Variants in PRELID2 observed in about 807,000 individuals in gnomAD.
PRELID2 encodes PRELI domain containing 2.
A neutral mutation model predicts 28.4 loss-of-function variants in PRELID2; 25 were observed. The observed-to-expected ratio is 0.88, with a 90% CI of 0.64 to 1.23. The LOEUF (loss-of-function observed/expected upper bound fraction) is 1.23. Ranked by LOEUF, PRELID2 falls within the 50% of genes most tolerant of loss-of-function variation. The pLI is 0.00. For synonymous variants in PRELID2, 76 were observed against 71.6 expected, an observed-to-expected ratio of 1.06 and a Z score of -0.31; for missense variants, 201 against 214.4, an observed-to-expected ratio of 0.94 and a Z score of 0.39.
chr5:145,691,580 T>A (rs1755151070), intron 1 of PRELID2, among the ~76,000 whole-genome samples: 1 of 151,950 alleles, frequency 6.6e-6, no homozygotes. Context: ...ATTCCAGGTG[T>A]GGTGGCACGT....
chr5:145,309,853 A>T, the PRELID2 span, among the ~76,000 whole-genome samples: 1 of 152,178 alleles, frequency 6.6e-6, no homozygotes, highest in Admixed American at 6.5e-5. Context: ...TGCCTCTCCA[A>T]GCAGCCTTAT....
chr5:145,681,173 C>T (rs1387480070), intron 1 of PRELID2, among the ~76,000 whole-genome samples: 9 of 152,136 alleles, frequency 5.9e-5, no homozygotes, highest in Admixed American at 5.2e-4. Flanking sequence ...CTTCCAAAAT[C>T]GTAATGTCCA....
intron 1 of PRELID2, among the ~76,000 whole-genome samples, chr5:145,619,784 C>T (rs1356936842): frequency 1.3e-5 from 2 of 152,260 alleles, no homozygotes; most frequent in South Asian, 2.1e-4. Context: ...AATACCTGTA[C>T]AGGCAACTTG....
At chr5:145,614,907 A>G (rs1450136335) in intron 1 of PRELID2, among the ~76,000 whole-genome samples, 1 of 152,122 alleles carries the variant, frequency 6.6e-6, no homozygotes, top group Non-Finnish European at 1.5e-5. Flanking sequence ...GTCTTGTTCC[A>G]GTTCTCAGAG....
chr5:145,646,864 G>C (rs1754205667), intron 1 of PRELID2, among the ~76,000 whole-genome samples: 1 of 151,186 alleles, frequency 6.6e-6, no homozygotes, highest in Non-Finnish European at 1.5e-5. Flanking sequence ...GTACAGCATA[G>C]ATTGCTGCCT....
At chr5:145,684,639 C>G (rs1055477582) in intron 1 of PRELID2, among the ~76,000 whole-genome samples, 1 of 152,152 alleles carries the variant, frequency 6.6e-6, no homozygotes, top group African/African-American at 2.4e-5. Context: ...TGCCAAAGGT[C>G]AAACTAAGAG....
intron 4 of PRELID2, among the ~76,000 whole-genome samples, chr5:145,810,605 C>A (rs1267811696): frequency 6.6e-6 from 1 of 152,188 alleles, no homozygotes. Flanking sequence ...TAAATCATTA[C>A]AAACACTGTT....
the PRELID2 span, among the ~76,000 whole-genome samples, chr5:145,309,373 G>A: frequency 6.6e-6 from 1 of 152,108 alleles, no homozygotes; most frequent in Non-Finnish European, 1.5e-5. Context: ...TTTGTTTGAG[G>A]GGCTGGATTG....
chr5:145,315,299 A>G, the PRELID2 span, among the ~76,000 whole-genome samples: 2 of 151,544 alleles, frequency 1.3e-5, no homozygotes, highest in Non-Finnish European at 2.9e-5. Context: ...CGATCTCTTG[A>G]CCTCGTGATC....
At chr5:145,395,657 A>C in the PRELID2 span, among the ~76,000 whole-genome samples, 42 of 152,288 alleles carry the variant, frequency 2.8e-4, no homozygotes, top group African/African-American at 8.4e-4. Flanking sequence ...TAATAATCTG[A>C]TGTTATGCAA....
At chr5:145,392,762 T>C in the PRELID2 span, among the ~76,000 whole-genome samples, 1 of 152,008 alleles carries the variant, frequency 6.6e-6, no homozygotes, top group Non-Finnish European at 1.5e-5. Flanking sequence ...GTCTACATGC[T>C]CTCTAGCCAA....
At chr5:145,824,561 A>G (rs979515655) in intron 1 of PRELID2, among the ~76,000 whole-genome samples, 1 of 152,068 alleles carries the variant, frequency 6.6e-6, no homozygotes, top group Non-Finnish European at 1.5e-5. Context: ...AGATTAGAAC[A>G]CAGGCTCTCT....
intron 1 of PRELID2, among the ~76,000 whole-genome samples, chr5:145,747,489 C>T (rs981208633): frequency 3.6e-4 from 55 of 152,086 alleles, no homozygotes; most frequent in African/African-American, 1.3e-3. Flanking sequence ...GAAGTTGAAT[C>T]CCTGAATAGA....
At chr5:145,686,565 AG>A (rs1231106195) in intron 1 of PRELID2, among the ~76,000 whole-genome samples, 1 of 152,192 alleles carries the variant, frequency 6.6e-6, no homozygotes, top group East Asian at 1.9e-4. Context: ...GTGAAAAGGC[AG>A]AGTCCATTTA....
At chr5:145,362,330 G>C in the PRELID2 span, among the ~76,000 whole-genome samples, 1 of 152,030 alleles carries the variant, frequency 6.6e-6, no homozygotes, top group Non-Finnish European at 1.5e-5. Flanking sequence ...GTTTCATCTC[G>C]CATAGTTAGG....
chr5:145,629,405 C>T (rs533013400), intron 1 of PRELID2, among the ~76,000 whole-genome samples: 1 of 152,138 alleles, frequency 6.6e-6, no homozygotes, highest in African/African-American at 2.4e-5. Flanking sequence ...TACTTAATGA[C>T]AGATAAGGAG....
chr5:145,597,837 TA>T (rs1314134987), intron 1 of PRELID2, among the ~76,000 whole-genome samples: 1 of 152,212 alleles, frequency 6.6e-6, no homozygotes, highest in Admixed American at 6.5e-5. Context: ...AATTACTTTT[TA>T]AATATTTGCT....
chr5:145,717,448 T>C (rs1755873808), intron 1 of PRELID2, among the ~76,000 whole-genome samples: 2 of 152,068 alleles, frequency 1.3e-5, no homozygotes, highest in South Asian at 4.1e-4. Flanking sequence ...AAATAATATG[T>C]TTTTAAAATA....
the PRELID2 span, among the ~76,000 whole-genome samples, chr5:145,351,485 A>C: frequency 6.6e-6 from 1 of 152,188 alleles, no homozygotes; most frequent in African/African-American, 2.4e-5. Flanking sequence ...AACCCCCAAG[A>C]TTCAATTACC....
Sources: allele counts gnomAD v4.1 joint callset (sites outside exome capture counted in the v4.1 genomes callset), GRCh38; gene constraint gnomAD v4.1.1; transcripts MANE v1.5; gene names NCBI Gene and HGNC (gene_info 2026-07-23, HGNC 2026-07-21).